Variants in FOCAD observed in about 807,000 individuals in gnomAD.
FOCAD encodes KIAA1797.
Under a neutral mutation model 225.6 loss-of-function variants are expected in FOCAD, and 198 were observed. The observed-to-expected ratio is 0.88, with a 90% CI of 0.78 to 0.99. The LOEUF (loss-of-function observed/expected upper bound fraction) is 0.99, where lower values mean the gene tolerates loss of function less well. Ranked by LOEUF, FOCAD falls within the 50% of genes least tolerant of loss-of-function variation. The probability of loss-of-function intolerance (pLI) is 0.00; values close to 1 mark genes in which losing one functional copy is unlikely to be tolerated. For synonymous variants in FOCAD, 897 were observed against 755.0 expected, an observed-to-expected ratio of 1.19 and a Z score of -3.08; for missense variants, 2,713 against 2,123.6, an observed-to-expected ratio of 1.28 and a Z score of -5.46.
intron 35 of FOCAD, among the ~76,000 whole-genome samples, chr9:20,969,717 T>A (rs988926694): frequency 1.4e-4 from 20 of 147,096 alleles, no homozygotes; most frequent in African/African-American, 4.7e-4. Context: ...AAAAAATATA[T>A]ATATATAGAT....
chr9:20,735,007 A>G (rs1206329374), intron 4 of FOCAD, among the ~76,000 whole-genome samples: 1 of 152,202 alleles, frequency 6.6e-6, no homozygotes, highest in Non-Finnish European at 1.5e-5. Context: ...AAATTTTCAT[A>G]GATACTGTCA....
At chr9:20,907,034 G>A in intron 21 of FOCAD, 116 bp from the exon 22 acceptor site, 1 of 729,686 alleles carries the variant, frequency 1.4e-6, no homozygotes, top group Non-Finnish European at 2.3e-6. Context: ...GACTGATTTG[G>A]TTTGTTTTCA....
At chr9:20,673,876 A>G (rs538670772) in intron 2 of FOCAD, among the ~76,000 whole-genome samples, 1 of 152,350 alleles carries the variant, frequency 6.6e-6, no homozygotes, top group East Asian at 1.9e-4. Context: ...CCGACTCCTA[A>G]TTAATAAAAT....
intron 4 of FOCAD, among the ~76,000 whole-genome samples, chr9:20,737,585 T>G (rs1425257873): frequency 6.6e-6 from 1 of 152,176 alleles, no homozygotes; most frequent in Non-Finnish European, 1.5e-5. Flanking sequence ...GTATAGACAT[T>G]GAAGGCTAGA....
chr9:20,664,575 AC>A (rs1251431017), intron 2 of FOCAD, among the ~76,000 whole-genome samples: 1 of 151,504 alleles, frequency 6.6e-6, no homozygotes. Flanking sequence ...TAAAGAAGGA[AC>A]CTTATAGTGG....
Position 20,872,058 on chromosome 9 carries a change from A to C in FOCAD, c.2191-2623A>C, listed in dbSNP as rs117831240. On this transcript the variant is annotated intron_variant, in intron 18 of 43. Coordinates refer to ENST00000338382, the MANE Select transcript of FOCAD (RefSeq NM_001375567.1). ...AGAAAACAAAATTGAAGGAGTGATCATACCATTATAAATACATATAGTATA... is the reference window on the plus strand; with the variant it reads ...AGAAAACAAAATTGAAGGAGTGATCCTACCATTATAAATACATATAGTATA... Among the ~76,000 whole-genome samples, 833 of 152,268 alleles carry C rather than the reference A, an allele frequency of 5.5e-3. 11 individuals are homozygous for C. Among genetic ancestry groups the C allele is most frequent in the Non-Finnish European group, 8.9e-3 (608 of 68,018 alleles).
upstream of FOCAD, among the ~76,000 whole-genome samples, chr9:20,657,430 T>G (rs1454618215): frequency 1.4e-5 from 1 of 73,882 alleles, no homozygotes. Context: ...AGACGTAGAT[T>G]TGGTCTTTTC....
chr9:20,851,576 C>T (rs1484053460), intron 15 of FOCAD, among the ~76,000 whole-genome samples: 1 of 151,748 alleles, frequency 6.6e-6, no homozygotes, highest in Non-Finnish European at 1.5e-5. Context: ...AGTCTAATAT[C>T]TGGTAACTGA....
intron 36 of FOCAD, among the ~76,000 whole-genome samples, chr9:20,978,133 T>C (rs1233121586): frequency 6.6e-6 from 1 of 152,246 alleles, no homozygotes; most frequent in Non-Finnish European, 1.5e-5. Flanking sequence ...AGCCCATTGC[T>C]AGTTCCAAGG....
intron 15 of FOCAD, among the ~76,000 whole-genome samples, chr9:20,824,148 G>T (rs1824631050): frequency 6.6e-6 from 1 of 152,094 alleles, no homozygotes; most frequent in African/African-American, 2.4e-5. Flanking sequence ...ATGGCAAGGG[G>T]CTATTATAGC....
intron 28 of FOCAD, among the ~76,000 whole-genome samples, chr9:20,933,703 T>G (rs1835697188): frequency 6.6e-6 from 1 of 152,190 alleles, no homozygotes; most frequent in South Asian, 2.1e-4. Context: ...TTTTGTATAA[T>G]GACTTCTTTT....
At position 20,717,886 on chromosome 9, in the gene FOCAD, T is replaced by C. The variant is rs777088487; in HGVS notation, c.132+18T>C. The C allele has an allele frequency of 3.1e-6, 5 of 1,597,924 alleles. No individual in the cohort carries two copies. The South Asian group carries it at 4.4e-5, about 14-fold the overall frequency. On this transcript the variant is annotated intron_variant, in intron 3 of 43. Transcript: ENST00000338382. ...CAAATCAGGTCTGTGTTTAACTTTA[T>C]GCTTTAATTCTCTTCAGATAAGATT...
At position 20,885,205 on chromosome 9, in the gene FOCAD, A is replaced by G. The variant is rs117863779; in HGVS notation, c.2600A>G (p.Gln867Arg). Residue 867 changes from glutamine to arginine, a missense_variant, in exon 21 of 44, where the codon CAG becomes CGG. Coordinates refer to ENST00000338382, the MANE Select transcript of FOCAD (RefSeq NM_001375567.1). ...LMASRGRSFK[Q>R]TSLALVHEVH... ...GCCAGCAGAGGGCGAAGTTTCAAGCAGACTTCACTTGCTCTTGTACATGAG... is the reference window on the plus strand; with the variant it reads ...GCCAGCAGAGGGCGAAGTTTCAAGCGGACTTCACTTGCTCTTGTACATGAG... 2.4e-3 allele frequency: 3,615 copies of G among 1,533,996 alleles called. 93 individuals carry two copies. In the East Asian group the frequency reaches 0.065, roughly 28 times the overall value.
At chr9:20,847,941 C>A (rs1827279808) in intron 15 of FOCAD, among the ~76,000 whole-genome samples, 2 of 151,880 alleles carry the variant, frequency 1.3e-5, no homozygotes, top group Non-Finnish European at 2.9e-5. Context: ...GGATCAAATT[C>A]ATAAACTGAG....
At chr9:20,769,835 G>GGTTAACA (rs1818008939) in intron 7 of FOCAD, among the ~76,000 whole-genome samples, 197 bp from the exon 8 acceptor site, 3 of 152,274 alleles carry the variant, frequency 2.0e-5, no homozygotes, top group African/African-American at 7.2e-5. Flanking sequence ...GTAGCAAATT[G>GGTTAACA]GATTTTGGTT....
At chr9:20,834,522 T>A (rs755670805) in intron 15 of FOCAD, among the ~76,000 whole-genome samples, 2 of 152,124 alleles carry the variant, frequency 1.3e-5, no homozygotes, top group Admixed American at 6.6e-5. Flanking sequence ...CGTTGTGTAT[T>A]TGTATAATAG....
intron 22 of FOCAD, among the ~76,000 whole-genome samples, chr9:20,910,491 G>T (rs1364476982): frequency 1.3e-5 from 2 of 151,990 alleles, no homozygotes; most frequent in African/African-American, 4.8e-5. Flanking sequence ...TTTTTTGTGT[G>T]TGTATCTTTG....
At chr9:20,711,482 A>G (rs1587295323) in intron 1 of FOCAD, among the ~76,000 whole-genome samples, 1 of 152,224 alleles carries the variant, frequency 6.6e-6, no homozygotes, top group East Asian at 1.9e-4. Context: ...ATCTGACAGC[A>G]GTGTACTAAC....
At chr9:20,883,366 A>T (rs143928013) in intron 20 of FOCAD, among the ~76,000 whole-genome samples, 2 of 152,238 alleles carry the variant, frequency 1.3e-5, no homozygotes, top group Non-Finnish European at 2.9e-5. Context: ...AAGAAAATCT[A>T]TAAGATCACA....
Sources: gnomAD v4.1 joint callset for allele counts (sites outside exome capture counted in the v4.1 genomes callset) on GRCh38, gnomAD v4.1.1 for gene constraint, MANE v1.5 for transcripts, NCBI Gene and HGNC (gene_info 2026-07-23, HGNC 2026-07-21) for gene names.